CLCN1: variants seen among roughly 807,000 people sequenced by gnomAD.
CLCN1 encodes the protein chloride voltage-gated channel 1, also known as chloride channel protein 1.
CLCN1 carries 100 observed loss-of-function variants against 114.5 expected under a neutral mutation model. The observed-to-expected ratio is 0.87, with a 90% confidence interval of 0.74 to 1.03. The LOEUF is 1.03. CLCN1 is among the 50% of genes least tolerant of loss of function. CLCN1 has a pLI of 0.00. For synonymous variants in CLCN1, 485 were observed against 487.1 expected (o/e 1.00, Z 0.06); for missense variants, 1,188 against 1,250.0 (o/e 0.95, Z 0.75).
intron 12 of CLCN1, 82 bp downstream of exon 12, chr7:143,332,955 G>A (rs1802771150): frequency 4.2e-6 from 6 of 1,441,214 alleles, no homozygotes; most frequent in South Asian, 1.1e-5. Context: ...GGGTAGGAAG[G>A]GGTAGAACTT....
intron 12 of CLCN1, among the ~76,000 whole-genome samples, chr7:143,336,789 T>C (rs960734270): frequency 2.6e-5 from 4 of 152,322 alleles, no homozygotes; most frequent in Non-Finnish European, 5.9e-5. Flanking sequence ...CTTTGTGCTA[T>C]AGGAGTTGAT....
intron 5 of CLCN1, 89 bp from the exon 6 acceptor site, chr7:143,323,220 C>T: frequency 1.3e-6 from 1 of 797,890 alleles, no homozygotes; most frequent in Non-Finnish European, 2.2e-6. Flanking sequence ...TGGCACAGTG[C>T]CTGGAGTAAG....
In CLCN1 at chr7:143,342,129, T is replaced by C. The variant is rs1023118080; in HGVS notation, c.1783T>C (p.Trp595Arg). The C allele has an allele frequency of 6.2e-7, 1 of 1,614,164 alleles. No homozygotes were observed. The highest frequency in any genetic ancestry group is 1.7e-5 in the Admixed American group (1 of 60,018). Residue 595 changes from tryptophan to arginine, a missense_variant, in exon 15 of 23, where the codon TGG (tryptophan) becomes CGG (arginine). By Grantham distance (101) the Trp-to-Arg change is moderately radical (BLOSUM62 -3). Transcript: ENST00000343257. ...KKLPYLPDLG[W>R]NQLSKYTIFV... is the part of the protein sequence containing the mutation. ...GCTACCCTACTTGCCTGACCTTGGC[T>C]GGAACCAGCTCAGGTCAGGGGCACT...
chr7:143,323,345 G>C lies in CLCN1; in HGVS notation c.733G>C (p.Val245Leu), dbSNP rs781173163. ...CCACATTGCCAGCATCTGTGCTGCT[G>C]TCCTCAGCAAATTCATGTCTGTGTT... ...FVHIASICAA[V>L]LSKFMSVFCG... The change falls in exon 6 of 23, where the codon GTC (valine) becomes CTC (leucine). Residue 245 changes from valine (V) to leucine (L), a missense_variant. Coordinates refer to ENST00000343257, the MANE Select transcript of CLCN1 (RefSeq NM_000083.3). 6.2e-7 allele frequency: 1 copy of C among 1,613,904 alleles called. No homozygotes were observed. The highest frequency in any genetic ancestry group is 8.5e-7 in the Non-Finnish European group (1 of 1,179,870).
At chr7:143,341,467 G>A (rs1803071681) in intron 14 of CLCN1, among the ~76,000 whole-genome samples, 1 of 151,970 alleles carries the variant, frequency 6.6e-6, no homozygotes, top group South Asian at 2.1e-4. Context: ...ACTGAGGCAG[G>A]AGAATCACTT....
At position 143,339,312 on chromosome 7, in the gene CLCN1, G is replaced by A. The variant is rs1317002895; in HGVS notation, c.1461G>A (p.Val487=). Residue 487 remains valine (V), a synonymous_variant, in exon 13 of 23, where the codon GTG becomes GTA. Coordinates refer to ENST00000343257, the MANE Select transcript of CLCN1 (RefSeq NM_000083.3). This position sits in a 1 kb window ranked among gnomAD's most constrained non-coding sequence, Gnocchi z 4.1. ...MPIPCGGFMP[V]FVLGAAFGRL... ...TACCCTGCGGAGGCTTCATGCCTGT[G>A]TTTGTGCTAGGTAAGTTCTGATGGG... 6.2e-7 allele frequency: 1 copy of A among 1,612,438 alleles called. No homozygotes were observed. Among genetic ancestry groups the A allele is most frequent in the Non-Finnish European group, 8.5e-7 (1 of 1,178,396 alleles).
At chr7:143,332,030 T>C (rs1422617048) in intron 10 of CLCN1, among the ~76,000 whole-genome samples, 2 of 152,162 alleles carry the variant, frequency 1.3e-5, no homozygotes, top group Admixed American at 6.5e-5. Context: ...AGTTTCACCA[T>C]GTTGCCCAGG....
chr7:143,346,760 G>A (rs1803261054), intron 19 of CLCN1, 102 bp downstream of exon 19: 1 of 1,229,866 alleles, frequency 8.1e-7, no homozygotes, highest in Non-Finnish European at 1.2e-6. Context: ...CCCCACCAAG[G>A]AGGAGGAGTT....
At chr7:143,323,523 T>G in intron 6 of CLCN1, 137 bp downstream of exon 6, 1 of 738,768 alleles carries the variant, frequency 1.4e-6, no homozygotes, top group Non-Finnish European at 2.5e-6. Flanking sequence ...CCACGCTCCC[T>G]TCCTCGTCTC....
At position 143,332,514 on chromosome 7, in the gene CLCN1, G is replaced by T. The variant is rs780748786; in HGVS notation, c.1251+11G>T. ...TTCATGGCTGGAGAGGTCAGCTGTT[G>T]GTGGGGCCACATGGTAAAGAGGAAA... On this transcript the variant is annotated intron_variant, in intron 11 of 22. Transcript: ENST00000343257. The T allele has an allele frequency of 8.1e-6, 13 of 1,606,958 alleles. No individual in the cohort carries two copies. The African/African-American group carries it at 9.4e-5, about 12-fold the overall frequency.
At chr7:143,345,893 G>A in intron 17 of CLCN1, 131 bp downstream of exon 17, 1 of 1,272,852 alleles carries the variant, frequency 7.9e-7, no homozygotes, top group African/African-American at 1.5e-5. Flanking sequence ...GGAGGGGAGA[G>A]TCTGGTAACT....
chr7:143,333,227 G>C (rs753120975), intron 12 of CLCN1, among the ~76,000 whole-genome samples: 3 of 152,150 alleles, frequency 2.0e-5, no homozygotes, highest in African/African-American at 7.2e-5. Flanking sequence ...CTTGAACCTG[G>C]GAAGTGGAGG....
chr7:143,335,665 T>TG (rs1468808232), intron 12 of CLCN1, among the ~76,000 whole-genome samples: 6 of 148,792 alleles, frequency 4.0e-5, no homozygotes, highest in African/African-American at 7.5e-5. Flanking sequence ...TGTTTTGTTT[T>TG]TTTTTTTTTT....
In CLCN1 at chr7:143,342,122, C is replaced by T. The variant is rs148132102; in HGVS notation, c.1776C>T (p.Asp592=). ...TCAAGAAGCTACCCTACTTGCCTGACCTTGGCTGGAACCAGCTCAGGTCAG... is the reference window on the plus strand; with the variant it reads ...TCAAGAAGCTACCCTACTTGCCTGATCTTGGCTGGAACCAGCTCAGGTCAG... The part of the protein sequence containing the change: ...IQVKKLPYLP[D]LGWNQLSKYT... The change falls in exon 15 of 23, where the codon GAC becomes GAT. Residue 592 remains aspartate, a synonymous_variant. Transcript: ENST00000343257. 4.8e-5 allele frequency: 78 copies of T among 1,614,010 alleles called. No individual in the cohort carries two copies. In the African/African-American group the frequency reaches 7.6e-4, roughly 16 times the overall value.
At chr7:143,326,964 G>C (rs753624905) in intron 7 of CLCN1, among the ~76,000 whole-genome samples, 2 of 152,128 alleles carry the variant, frequency 1.3e-5, no homozygotes, top group Non-Finnish European at 2.9e-5. Flanking sequence ...AAAGTTATCA[G>C]TGGCCAGGCA....
intron 17 of CLCN1, 140 bp from the exon 18 acceptor site, chr7:143,346,000 C>T (rs1202579729): frequency 2.5e-6 from 2 of 804,400 alleles, no homozygotes; most frequent in African/African-American, 1.7e-5. Flanking sequence ...GTATCCTCGA[C>T]AATTCAAAGG....
At chr7:143,320,822 C>G in intron 3 of CLCN1, 27 bp downstream of exon 3, 1 of 1,613,666 alleles carries the variant, frequency 6.2e-7, no homozygotes, top group Non-Finnish European at 8.5e-7. Context: ...CCTTTGCCCA[C>G]AGCCGTTTCT....
intron 16 of CLCN1, 69 bp downstream of exon 16, chr7:143,342,574 G>T (rs1803116283): frequency 2.6e-6 from 4 of 1,554,584 alleles, no homozygotes; most frequent in African/African-American, 2.7e-5. Flanking sequence ...AGGTAGAGGA[G>T]GCCCCATGGT....
Position 143,350,476 on chromosome 7 carries a change from G to C in CLCN1, c.2508G>C (p.Lys836Asn). ...TGGTGGAGCAGACAACCCTGCACAA[G>C]GTGAGTCTTTTGCTGACTGCTCAGG... ...FQLVEQTTLH[K>N]THTLFSLLGL... The change falls in exon 21 of 23, where the codon AAG becomes AAC. Residue 836 changes from lysine (K) to asparagine (N), a missense_variant and splice_region_variant. Physicochemically the swap from Lys to Asn is moderately conservative, Grantham distance 94 (BLOSUM62 0). Transcript: ENST00000343257. This position sits in a 1 kb window ranked among gnomAD's most constrained non-coding sequence, Gnocchi z 5.1. 2 of 1,613,784 alleles carry C rather than the reference G, an allele frequency of 1.2e-6. No homozygotes were observed. Among genetic ancestry groups the C allele is most frequent in the Non-Finnish European group, 8.5e-7 (1 of 1,179,650 alleles).
Sources: allele counts gnomAD v4.1 joint callset (sites outside exome capture counted in the v4.1 genomes callset), GRCh38; gene constraint gnomAD v4.1.1; non-coding constraint Gnocchi (gnomAD v3.1); transcripts MANE v1.5; gene names NCBI Gene and HGNC (gene_info 2026-07-23, HGNC 2026-07-21).